The following ZBTB17 variants were observed in gnomAD, a reference collection of about 807,000 sequenced individuals.
ZBTB17 encodes zinc finger and BTB domain-containing protein 17.
Under a neutral mutation model 85.1 loss-of-function variants are expected in ZBTB17, and 24 were observed. The observed-to-expected ratio is 0.28, with a 90% CI of 0.20 to 0.40. The LOEUF is 0.40. Ranked by LOEUF, ZBTB17 falls within the 10% of genes least tolerant of loss-of-function variation. The pLI, the probability that ZBTB17 is intolerant of heterozygous loss-of-function variation, is 1.00. For missense variants in ZBTB17, 743 were observed against 1,105.1 expected (o/e 0.67, Z 4.65); for synonymous variants, 464 against 460.2 (o/e 1.01, Z -0.11).
intron 2 of ZBTB17, among the ~76,000 whole-genome samples, chr1:15,950,007 C>G (rs1352487887): frequency 2.6e-5 from 4 of 152,218 alleles, no homozygotes; most frequent in East Asian, 1.9e-4. Context: ...GTTCCCTCCC[C>G]CTACACATCC....
chr1:15,947,293 A>G, intron 3 of ZBTB17, 170 bp from the exon 4 acceptor site: 1 of 655,368 alleles, frequency 1.5e-6, no homozygotes, highest in Non-Finnish European at 2.6e-6. Flanking sequence ...GGGGGATCTC[A>G]GCACTACCAA....
At chr1:15,944,144 CG>C (rs1177867122) in intron 9 of ZBTB17, 155 bp downstream of exon 9, 10 of 1,211,092 alleles carry the variant, frequency 8.3e-6, no homozygotes, top group Non-Finnish European at 1.1e-5. Context: ...AGCTCCCCCG[CG>C]GAAGTGGCTC....
chr1:15,965,354 C>T (rs1216306430), intron 2 of ZBTB17, among the ~76,000 whole-genome samples: 1 of 152,008 alleles, frequency 6.6e-6, no homozygotes, highest in East Asian at 1.9e-4. Context: ...CAGTAAGCAA[C>T]GAAAAGATGC....
intron 3 of ZBTB17, 78 bp downstream of exon 3, chr1:15,948,213 C>CT: frequency 6.4e-7 from 1 of 1,567,516 alleles, no homozygotes; most frequent in Non-Finnish European, 8.7e-7. Flanking sequence ...GGTGCTGCCC[C>CT]TGGAGGGCCT....
chr1:15,947,975 C>T (rs1019803413), intron 3 of ZBTB17, among the ~76,000 whole-genome samples: 7 of 152,220 alleles, frequency 4.6e-5, no homozygotes, highest in African/African-American at 1.4e-4. Flanking sequence ...GACTCTGCCA[C>T]GGAAAGGGGC....
chr1:15,945,715 C>T lies in ZBTB17; in HGVS notation c.661G>A (p.Glu221Lys). 6.2e-7 allele frequency: 1 copy of T among 1,607,054 alleles called. No homozygotes were observed. Among genetic ancestry groups the T allele is most frequent in the Non-Finnish European group, 8.5e-7 (1 of 1,179,814 alleles). The change falls in exon 6 of 16, where the codon GAA becomes AAA. Residue 221 changes from glutamate to lysine, a missense_variant and splice_region_variant. Physicochemically the swap from Glu to Lys is moderately conservative, Grantham distance 56 (BLOSUM62 1). This residue lies in a region of ZBTB17 where 279 missense variants were observed against 269.9 expected (regional missense o/e 1.03). Coordinates refer to ENST00000375743, the MANE Select transcript of ZBTB17 (RefSeq NM_003443.3). ...EAALSESSEQ[E>K]MEVEPARKGE... ...CCTGGTCCTGGCTGGGCGGGGCTAC[C>T]TTGCTCCGAGCTCTCGGACAAAGCG...
At chr1:15,971,600 A>G (rs963241362) in intron 2 of ZBTB17, among the ~76,000 whole-genome samples, 1 of 148,464 alleles carries the variant, frequency 6.7e-6, no homozygotes, top group Non-Finnish European at 1.5e-5. Flanking sequence ...CTATATATAT[A>G]CACTATATAT....
intron 1 of ZBTB17, among the ~76,000 whole-genome samples, chr1:15,974,224 C>A (rs2072776697): frequency 1.3e-5 from 2 of 150,044 alleles, no homozygotes; most frequent in African/African-American, 2.4e-5. Flanking sequence ...ACAAAAAAAA[C>A]CTGATTCTTT....
chr1:15,967,389 T>A (rs1439060372), intron 2 of ZBTB17, among the ~76,000 whole-genome samples: 1 of 151,000 alleles, frequency 6.6e-6, no homozygotes, highest in Non-Finnish European at 1.5e-5. Flanking sequence ...AAAAAAAGTG[T>A]TATATGAGGC....
intron 2 of ZBTB17, among the ~76,000 whole-genome samples, chr1:15,971,500 TATACACACACACTATATATATAC>T (rs1557799959): frequency 7.6e-4 from 15 of 19,742 alleles, no homozygotes; most frequent in African/African-American, 5.9e-3. Flanking sequence ...ACTATATATA[TATACACACACACTATATATATAC>T]ACACACACTA....
At chr1:15,962,117 G>A (rs528981875) in intron 2 of ZBTB17, among the ~76,000 whole-genome samples, 2 of 152,292 alleles carry the variant, frequency 1.3e-5, no homozygotes, top group Admixed American at 1.3e-4. Flanking sequence ...TGAGGTGGAA[G>A]GATCACTTGA....
At position 15,951,716 on chromosome 1, in the gene ZBTB17, T is replaced by G. The variant is rs1220559471; in HGVS notation, c.-2-3219A>C. Among the ~76,000 whole-genome samples the G allele has an allele frequency of 6.6e-6, 1 of 152,142 alleles. No individual in the cohort carries two copies. Among genetic ancestry groups the G allele is most frequent in the Non-Finnish European group, 1.5e-5 (1 of 68,014 alleles). On this transcript the variant is annotated intron_variant, in intron 2 of 15. Transcript: ENST00000375743. This position sits in a 1 kb window ranked among gnomAD's most constrained non-coding sequence, Gnocchi z 4.1. ...CTGGAGGGATCACCAGCCTGTATCC[T>G]AGTTCCCCTCTTATCTATTCCTCAG...
At position 15,943,461 on chromosome 1, in the gene ZBTB17, G is replaced by C; in HGVS notation, c.1635C>G (p.Leu545=). Residue 545 remains leucine (L), a synonymous_variant, in exon 12 of 16, where the codon CTC becomes CTG. Coordinates refer to ENST00000375743, the MANE Select transcript of ZBTB17 (RefSeq NM_003443.3). ...CGKAFTQASS[L]IAHVRQHTGE... ...CGGTGTGCTGGCGCACGTGGGCGAT[G>C]AGGGAGCTGGCCTGGGTGAAGGCCT... 6.2e-7 allele frequency: 1 copy of C among 1,611,356 alleles called. No homozygotes were observed. Among genetic ancestry groups the C allele is most frequent in the Non-Finnish European group, 8.5e-7 (1 of 1,178,520 alleles).
rs201944669 is a variant in ZBTB17 at position 15,944,678 on chromosome 1, G to A, written c.1070+19C>T. On this transcript the variant is annotated intron_variant, in intron 8 of 15. Transcript: ENST00000375743. ...GGGCCTGGCAGGGGCCGGGGTAGGAGGCCGGCTTGGGGCAGTACCTGTGCG... is the reference window on the plus strand; with the variant it reads ...GGGCCTGGCAGGGGCCGGGGTAGGAAGCCGGCTTGGGGCAGTACCTGTGCG... 1 of 1,604,722 alleles carries A rather than the reference G, an allele frequency of 6.2e-7. No individual in the cohort carries two copies. Among genetic ancestry groups the A allele is most frequent in the South Asian group, 1.1e-5 (1 of 91,062 alleles).
At chr1:15,965,497 G>T (rs2072410769) in intron 2 of ZBTB17, among the ~76,000 whole-genome samples, 1 of 152,176 alleles carries the variant, frequency 6.6e-6, no homozygotes, top group Non-Finnish European at 1.5e-5. Context: ...TTGTTGAAGG[G>T]TAAACTGGGG....
chr1:15,947,821 C>T (rs1197079877), intron 3 of ZBTB17, among the ~76,000 whole-genome samples: 1 of 152,200 alleles, frequency 6.6e-6, no homozygotes. Context: ...TGGCATGTCA[C>T]GTCAGTCTGG....
rs1475898543 is a variant in ZBTB17, at chr1:15,951,858, T to C, written c.-2-3361A>G. Among the ~76,000 whole-genome samples, 1 of 152,152 alleles carries C rather than the reference T, an allele frequency of 6.6e-6. No individual in the cohort carries two copies. The highest frequency in any genetic ancestry group is 1.5e-5 in the Non-Finnish European group (1 of 68,018). ...CTCCTAAGTACGTGCTAGGAGGTGC[T>C]GTCTGGGGAGACGTTAACCACAGTA... On this transcript the variant is annotated intron_variant, in intron 2 of 15. Transcript: ENST00000375743. This position sits in a 1 kb window ranked among gnomAD's most constrained non-coding sequence, Gnocchi z 4.1.
Position 15,943,674 on chromosome 1 carries a change from GCTT to G in ZBTB17, c.1498_1500del (p.Lys500del). 1 of 1,613,258 alleles carries G rather than the reference GCTT, an allele frequency of 6.2e-7. No individual in the cohort carries two copies. ...CGCTGGCAGTGGATGCACACGTAGG[GCTT>G]CTCCCCGCTGTGGATCCGAAGGTGC... On this transcript the variant is annotated inframe_deletion, in exon 11 of 16. Coordinates refer to ENST00000375743, the MANE Select transcript of ZBTB17 (RefSeq NM_003443.3).
chr1:15,967,765 T>A (rs548200130), intron 2 of ZBTB17, among the ~76,000 whole-genome samples: 2 of 152,302 alleles, frequency 1.3e-5, no homozygotes, highest in Admixed American at 1.3e-4. Flanking sequence ...CCCAATAAAG[T>A]TATATTCAAG....
Sources: allele counts gnomAD v4.1 joint callset (sites outside exome capture counted in the v4.1 genomes callset), GRCh38; gene constraint gnomAD v4.1.1; regional missense constraint gnomAD v4.1.1; non-coding constraint Gnocchi (gnomAD v3.1); transcripts MANE v1.5; gene names NCBI Gene and HGNC (gene_info 2026-07-23, HGNC 2026-07-21).